Variants in EPHA3 observed in about 807,000 individuals in gnomAD.
EPHA3 encodes the protein ephrin type-A receptor 3.
EPHA3 carries 42 observed loss-of-function variants against 107.1 expected under a neutral mutation model. The observed-to-expected ratio is 0.39, with a 90% CI of 0.31 to 0.51. The LOEUF is 0.51. EPHA3 is among the 20% of genes least tolerant of loss of function. The pLI is 0.78. For synonymous variants in EPHA3, 461 were observed against 424.8 expected, an observed-to-expected ratio of 1.09 and a Z score of -1.05; for missense variants, 1,183 against 1,211.2, an observed-to-expected ratio of 0.98 and a Z score of 0.35.
intron 13 of EPHA3, among the ~76,000 whole-genome samples, chr3:89,438,269 C>A (rs532610785): frequency 6.6e-6 from 1 of 151,758 alleles, no homozygotes; most frequent in Admixed American, 6.6e-5. Context: ...TCACTACACC[C>A]GGCTAATTTT....
intron 1 of EPHA3, among the ~76,000 whole-genome samples, chr3:89,111,629 A>G (rs1366109283): frequency 6.6e-6 from 1 of 151,464 alleles, no homozygotes; most frequent in Non-Finnish European, 1.5e-5. Context: ...TAACAGGATT[A>G]TCAGCAAATT....
chr3:89,109,834 T>C (rs1472720230), intron 1 of EPHA3, among the ~76,000 whole-genome samples: 1 of 152,008 alleles, frequency 6.6e-6, no homozygotes, highest in Non-Finnish European at 1.5e-5. Flanking sequence ...CCATCATTCA[T>C]GGGATTATTC....
At position 89,378,143 on chromosome 3, in the gene EPHA3, A is replaced by T. The variant is rs569008252; in HGVS notation, c.1307-17694A>T. The stretch of plus-strand genomic sequence containing the variant: ...GGGGGACTAGGGGAGGGATAGTATT[A>T]GGAGAAATACCTAATATAGATGATG... On this transcript the variant is annotated intron_variant, in intron 5 of 16. Transcript: ENST00000336596. Among the ~76,000 whole-genome samples, 5 of 152,234 alleles carry T rather than the reference A, an allele frequency of 3.3e-5. No individual in the cohort carries two copies. The South Asian group carries it at 1.0e-3, about 32-fold the overall frequency.
At chr3:89,307,364 C>T (rs1190489621) in intron 3 of EPHA3, among the ~76,000 whole-genome samples, 2 of 152,066 alleles carry the variant, frequency 1.3e-5, no homozygotes, top group Non-Finnish European at 2.9e-5. Flanking sequence ...AATCAAAACC[C>T]ATGAAATAAA....
At chr3:89,247,326 C>T (rs1418663901) in intron 3 of EPHA3, among the ~76,000 whole-genome samples, 1 of 152,046 alleles carries the variant, frequency 6.6e-6, no homozygotes, top group Non-Finnish European at 1.5e-5. Flanking sequence ...AGAAAATAAT[C>T]AGGCACATAA....
chr3:89,416,115 A>G (rs1267421743), intron 10 of EPHA3, among the ~76,000 whole-genome samples: 1 of 151,490 alleles, frequency 6.6e-6, no homozygotes, highest in African/African-American at 2.4e-5. Flanking sequence ...GGAGGGAGTC[A>G]TTCTATTTAA....
chr3:89,211,816 T>C (rs1165050159), intron 3 of EPHA3, among the ~76,000 whole-genome samples: 5 of 107,030 alleles, frequency 4.7e-5, no homozygotes, highest in African/African-American at 1.5e-4. Context: ...CTTCTTCTTC[T>C]TCTCCTTCTC....
At position 89,218,297 on chromosome 3, in the gene EPHA3, C is replaced by A. The variant is rs182242676; in HGVS notation, c.814+7777C>A. ...TAATGCTATCCCTCCCCCCTCCCCC[C>A]ACCCCACAACAGTCCCTGGTGTGTG... On this transcript the variant is annotated intron_variant, in intron 3 of 16. Transcript: ENST00000336596. Among the ~76,000 whole-genome samples the A allele has an allele frequency of 1.7e-3, 204 of 120,906 alleles. 2 individuals are homozygous for A. Among genetic ancestry groups the A allele is most frequent in the African/African-American group, 6.1e-3 (196 of 32,322 alleles). 79.3% of individuals were successfully genotyped at this position (120,906 alleles called of 152,430 possible).
At chr3:89,371,353 T>C (rs1338294800) in intron 5 of EPHA3, among the ~76,000 whole-genome samples, 1 of 151,704 alleles carries the variant, frequency 6.6e-6, no homozygotes, top group Non-Finnish European at 1.5e-5. Context: ...CTTTACTCAT[T>C]TAATGAACAT....
At position 89,210,355 on chromosome 3, in the gene EPHA3, C is replaced by A. The variant is rs1338210929; in HGVS notation, c.649C>A (p.Pro217Thr). ...KNLAMFPDTV[P>T]MDSQSLVEVR... ...TCTGGCTATGTTTCCAGACACGGTA[C>A]CCATGGACTCCCAGTCCCTGGTGGA... The change falls in exon 3 of 17, where the codon CCC becomes ACC. Residue 217 changes from proline (P) to threonine (T), a missense_variant. Pro to Thr is a conservative substitution (Grantham distance 38). Coordinates refer to ENST00000336596, the MANE Select transcript of EPHA3 (RefSeq NM_005233.6). 6.2e-7 allele frequency: 1 copy of A among 1,613,650 alleles called. No individual in the cohort carries two copies. The highest frequency in any genetic ancestry group is 8.5e-7 in the Non-Finnish European group (1 of 1,179,798).
At chr3:89,247,786 A>T (rs913255861) in intron 3 of EPHA3, among the ~76,000 whole-genome samples, 2 of 152,162 alleles carry the variant, frequency 1.3e-5, no homozygotes, top group Non-Finnish European at 2.9e-5. Flanking sequence ...ATTGTAAAAG[A>T]TATGATTGAC....
intron 3 of EPHA3, among the ~76,000 whole-genome samples, chr3:89,247,177 A>C (rs1352326921): frequency 1.3e-5 from 2 of 152,190 alleles, no homozygotes; most frequent in African/African-American, 2.4e-5. Context: ...AAGACAAATA[A>C]AGTAAATCAT....
intron 15 of EPHA3, among the ~76,000 whole-genome samples, chr3:89,466,957 A>C (rs1368272876): frequency 6.6e-6 from 1 of 152,106 alleles, no homozygotes; most frequent in Non-Finnish European, 1.5e-5. Flanking sequence ...TTTTGTCCTT[A>C]AGGCCTAGAG....
chr3:89,219,021 A>G (rs1704285867), intron 3 of EPHA3, among the ~76,000 whole-genome samples: 1 of 152,204 alleles, frequency 6.6e-6, no homozygotes, highest in South Asian at 2.1e-4. Flanking sequence ...TCATAAGGAA[A>G]AACATGGTCT....
chr3:89,240,058 G>T (rs2107241877), intron 3 of EPHA3, among the ~76,000 whole-genome samples: 1 of 152,318 alleles, frequency 6.6e-6, no homozygotes, highest in Non-Finnish European at 1.5e-5. Flanking sequence ...TAAGGGTCAA[G>T]AGTTTGTCAT....
At chr3:89,335,535 A>T (rs1461619720) in intron 3 of EPHA3, among the ~76,000 whole-genome samples, 1 of 152,224 alleles carries the variant, frequency 6.6e-6, no homozygotes, top group Non-Finnish European at 1.5e-5. Context: ...GAATTCAAAC[A>T]TTATGTGAAC....
rs1052268606 is a variant in EPHA3 at position 89,372,016 on chromosome 3, AT to A, written c.1307-23820del. ...AAGCTTTCTTCAATTAAAAAAAAAAATAAAACCATTTTAGCAGAGAGAGGGA... is the reference window on the plus strand; with the variant it reads ...AAGCTTTCTTCAATTAAAAAAAAAAAAAAACCATTTTAGCAGAGAGAGGGA... On this transcript the variant is annotated intron_variant, in intron 5 of 16. Transcript: ENST00000336596. Among the ~76,000 whole-genome samples, 10 of 151,458 alleles carry A rather than the reference AT, an allele frequency of 6.6e-5. No homozygotes were observed. The South Asian group carries it at 8.3e-4, about 13-fold the overall frequency.
intron 2 of EPHA3, among the ~76,000 whole-genome samples, chr3:89,205,767 C>T (rs1266509309): frequency 1.3e-5 from 2 of 151,744 alleles, no homozygotes. Context: ...AGATGCTTTT[C>T]ACCACCAAAT....
chr3:89,390,199 C>T (rs1269546909), intron 5 of EPHA3, among the ~76,000 whole-genome samples: 1 of 152,088 alleles, frequency 6.6e-6, no homozygotes, highest in African/African-American at 2.4e-5. Flanking sequence ...CCATATTGGT[C>T]AAGCTGGTCT....
Sources: gnomAD v4.1 joint callset for allele counts (sites outside exome capture counted in the v4.1 genomes callset) on GRCh38, gnomAD v4.1.1 for gene constraint, MANE v1.5 for transcripts, NCBI Gene and HGNC (gene_info 2026-07-23, HGNC 2026-07-21) for gene names.